Variants in ANKRD33B observed in about 807,000 individuals in gnomAD.
ANKRD33B encodes ankyrin repeat domain-containing protein 33B.
A neutral mutation model predicts 21.5 loss-of-function variants in ANKRD33B; 6 were observed. The observed-to-expected ratio is 0.28, with a 90% CI of 0.15 to 0.55. The LOEUF (loss-of-function observed/expected upper bound fraction) is 0.55. ANKRD33B is among the 20% of genes least tolerant of loss of function. ANKRD33B has a pLI of 0.94. For missense variants in ANKRD33B, 698 were observed against 747.2 expected (o/e 0.93, Z 0.77); for synonymous variants, 347 against 342.4 (o/e 1.01, Z -0.15).
chr5:10,579,118 C>T (rs904136747), intron 1 of ANKRD33B, among the ~76,000 whole-genome samples: 1 of 148,676 alleles, frequency 6.7e-6, no homozygotes, highest in South Asian at 2.1e-4. Flanking sequence ...GAGCCGTGAT[C>T]GCGCCACTGC....
chr5:10,646,804 C>T (rs1273867051), intron 3 of ANKRD33B, among the ~76,000 whole-genome samples: 1 of 152,216 alleles, frequency 6.6e-6, no homozygotes, highest in African/African-American at 2.4e-5. Flanking sequence ...TCTAATATGG[C>T]TATTCTTTAA....
chr5:10,591,210 T>TTTTTTTTTTAG (rs1735681053), intron 1 of ANKRD33B, among the ~76,000 whole-genome samples: 2 of 139,326 alleles, frequency 1.4e-5, no homozygotes, highest in Admixed American at 1.5e-4. Context: ...TTTTTTTTTT[T>TTTTTTTTTTAG]GAGATGGAGT....
chr5:10,593,108 TG>T (rs1344003942), intron 1 of ANKRD33B, among the ~76,000 whole-genome samples: 2 of 152,202 alleles, frequency 1.3e-5, no homozygotes, highest in Non-Finnish European at 2.9e-5. Context: ...AACATTTTCT[TG>T]GATCTTAATT....
chr5:10,632,771 TTTTTTATTTTTA>T (rs542281130), intron 2 of ANKRD33B, among the ~76,000 whole-genome samples: 5 of 152,170 alleles, frequency 3.3e-5, no homozygotes, highest in African/African-American at 1.2e-4. Flanking sequence ...TAGTTTCCCC[TTTTTTATTTTTA>T]TTTTTATTTA....
intron 1 of ANKRD33B, among the ~76,000 whole-genome samples, chr5:10,614,202 GC>G (rs1216615810): frequency 1.2e-4 from 18 of 152,130 alleles, no homozygotes; most frequent in African/African-American, 4.1e-4. Context: ...GGGGAGGCCA[GC>G]CTTTTTTCTC....
rs983845386 is a variant in ANKRD33B at position 10,655,158 on chromosome 5, T to G, written c.*5045T>G. On this transcript the variant is annotated 3_prime_UTR_variant, in exon 4 of 4. Transcript: ENST00000296657. ...ATTTATGGATGCAGGAGGGCCGTGCTAGGCCCCTCTGCCCGCTTCTCTCCC... is the reference window on the plus strand; with the variant it reads ...ATTTATGGATGCAGGAGGGCCGTGCGAGGCCCCTCTGCCCGCTTCTCTCCC... 6 of 152,372 alleles carry G rather than the reference T, an allele frequency of 3.9e-5. No individual in the cohort carries two copies. Among genetic ancestry groups the G allele is most frequent in the African/African-American group, 1.4e-4 (6 of 41,450 alleles). 9.4% of individuals were successfully genotyped at this position (152,372 alleles called of 1,614,324 possible).
chr5:10,617,700 G>A (rs147260754), intron 1 of ANKRD33B, among the ~76,000 whole-genome samples: 10 of 152,210 alleles, frequency 6.6e-5, no homozygotes, highest in East Asian at 3.9e-4. Context: ...CCCTGTCCAC[G>A]GTCTCTGAGA....
At chr5:10,642,064 A>G (rs771905286) in intron 3 of ANKRD33B, among the ~76,000 whole-genome samples, 7 of 152,232 alleles carry the variant, frequency 4.6e-5, no homozygotes, top group Non-Finnish European at 7.3e-5. Flanking sequence ...TCAACTGAAC[A>G]TTTATGATGT....
Position 10,650,074 on chromosome 5 carries a change from G to A in ANKRD33B, c.1446G>A (p.Gln482=). 1 of 1,529,320 alleles carries A rather than the reference G, an allele frequency of 6.5e-7. No individual in the cohort carries two copies. Among genetic ancestry groups the A allele is most frequent in the Non-Finnish European group, 8.8e-7 (1 of 1,142,830 alleles). 94.7% of individuals were successfully genotyped at this position (1,529,320 alleles called of 1,614,324 possible). A position where few individuals can be genotyped will look rare whatever the true frequency, so the allele number is the denominator to read the frequency against. ...EAEKKRQAEA[Q]KERRTAPWKK... is the part of the protein sequence containing the mutation. ...AAAAGAAGCGCCAGGCCGAGGCGCAGAAGGAGAGGCGCACTGCGCCCTGGA... is the reference window on the plus strand; with the variant it reads ...AAAAGAAGCGCCAGGCCGAGGCGCAAAAGGAGAGGCGCACTGCGCCCTGGA... The change falls in exon 4 of 4, where the codon CAG becomes CAA. Residue 482 remains glutamine, a synonymous_variant. Transcript: ENST00000296657.
chr5:10,640,971 A>T (rs914270509), intron 3 of ANKRD33B, among the ~76,000 whole-genome samples: 3 of 152,262 alleles, frequency 2.0e-5, no homozygotes, highest in African/African-American at 7.2e-5. Context: ...AGCCCTCATG[A>T]TCTAATCACC....
chr5:10,571,000 T>G lies in ANKRD33B; in HGVS notation c.366+6167T>G, dbSNP rs147164534. Among the ~76,000 whole-genome samples the G allele has an allele frequency of 1.0e-2, 1,518 of 152,142 alleles. 13 individuals carry two copies. Among genetic ancestry groups the G allele is most frequent in the Middle Eastern group, 0.027 (8 of 294 alleles). On this transcript the variant is annotated intron_variant, in intron 1 of 3. Transcript: ENST00000296657. ...TTCCTTGGTATAAGTGTGTTTGTGT[T>G]TATAACATTGTAATTATTATTATTA...
At chr5:10,573,460 T>A (rs1044502271) in intron 1 of ANKRD33B, among the ~76,000 whole-genome samples, 3 of 121,080 alleles carry the variant, frequency 2.5e-5, no homozygotes, top group African/African-American at 9.1e-5. Context: ...AGAGCGAGAC[T>A]CCGTCTCAAA....
intron 1 of ANKRD33B, among the ~76,000 whole-genome samples, chr5:10,584,521 G>A (rs1735511690): frequency 6.6e-6 from 1 of 151,696 alleles, no homozygotes; most frequent in South Asian, 2.1e-4. Flanking sequence ...TTCCAGCCTG[G>A]GAGACAGAGC....
intron 1 of ANKRD33B, among the ~76,000 whole-genome samples, chr5:10,618,095 T>C (rs1202644336): frequency 1.3e-5 from 2 of 152,194 alleles, no homozygotes; most frequent in Non-Finnish European, 2.9e-5. Flanking sequence ...GCTGAGACCT[T>C]AGCAGTTCAC....
chr5:10,637,425 GACACACACACACACACAC>G (rs59222148), intron 2 of ANKRD33B, among the ~76,000 whole-genome samples: 2 of 100,392 alleles, frequency 2.0e-5, no homozygotes, highest in Non-Finnish European at 3.8e-5. Flanking sequence ...TAGGTAGTTA[GACACACACACACACACAC>G]ACACACACAC....
Position 10,638,425 on chromosome 5 carries a change from T to G in ANKRD33B, c.637+257T>G, listed in dbSNP as rs549008690. ...GGTGGCACCTTCCCTCACCTGCTGTTTTCCTCCTGCCCACCCGTTCTACAC... is the reference window on the plus strand; with the variant it reads ...GGTGGCACCTTCCCTCACCTGCTGTGTTCCTCCTGCCCACCCGTTCTACAC... On this transcript the variant is annotated intron_variant, in intron 3 of 3. Coordinates refer to ENST00000296657, the MANE Select transcript of ANKRD33B (RefSeq NM_001164440.2). 6.2e-4 allele frequency among the ~76,000 whole-genome samples: 94 copies of G among 151,460 alleles called. 1 individual carries two copies. The South Asian group carries it at 0.019, about 30-fold the overall frequency.
rs7728480 is a variant in ANKRD33B at position 10,638,156 on chromosome 5, C to G, written c.625C>G (p.Leu209Val). The change falls in exon 3 of 4, where the codon CTG becomes GTG. Residue 209 changes from leucine (L) to valine (V), a missense_variant. By Grantham distance (32) the Leu-to-Val change is conservative (BLOSUM62 1). Transcript: ENST00000296657. ...GGGTCGAACGGACTGCATCCGAGCC[C>G]TGATGCTAGCAGGTATGTCCACCTG... ...MQGRTDCIRA[L>V]MLAGADVHAR... is the part of the protein sequence containing the mutation. The G allele has an allele frequency of 1.7e-5, 26 of 1,537,412 alleles. No homozygotes were observed. The highest frequency in any genetic ancestry group is 2.2e-5 in the Non-Finnish European group (25 of 1,146,918).
At chr5:10,617,348 C>T (rs1337495897) in intron 1 of ANKRD33B, among the ~76,000 whole-genome samples, 2 of 152,220 alleles carry the variant, frequency 1.3e-5, no homozygotes, top group Non-Finnish European at 2.9e-5. Flanking sequence ...TCCCCACGCC[C>T]GCTCTGTCCC....
intron 1 of ANKRD33B, among the ~76,000 whole-genome samples, chr5:10,611,030 C>A (rs768891752): frequency 5.3e-5 from 8 of 151,888 alleles, no homozygotes; most frequent in Non-Finnish European, 1.0e-4. Flanking sequence ...GGCAGCAGAG[C>A]GAAACTCCTT....
Sources: allele counts gnomAD v4.1 joint callset (sites outside exome capture counted in the v4.1 genomes callset), GRCh38; gene constraint gnomAD v4.1.1; transcripts MANE v1.5; gene names NCBI Gene and HGNC (gene_info 2026-07-23, HGNC 2026-07-21).